The following SIPA1L3 variants were observed in gnomAD, a reference collection of about 807,000 sequenced individuals.
The protein encoded by SIPA1L3 is signal-induced proliferation-associated 1-like protein 3.
A neutral mutation model predicts 150.1 loss-of-function variants in SIPA1L3; 59 were observed. The observed-to-expected ratio is 0.39, with a 90% CI of 0.32 to 0.49. The LOEUF is 0.49. Ranked by LOEUF, SIPA1L3 falls within the 20% of genes least tolerant of loss-of-function variation. The probability of loss-of-function intolerance (pLI) is 0.86; values close to 1 mark genes in which losing one functional copy is unlikely to be tolerated. For missense variants in SIPA1L3, 2,211 were observed against 2,489.5 expected (o/e 0.89, Z 2.38); for synonymous variants, 1,070 against 1,077.6 (o/e 0.99, Z 0.14).
rs368807942 is a variant in SIPA1L3, at chr19:38,148,110, T to G, written c.3534-4730T>G. ...GCTCAAGCCTGTAATCCCAGCACTT[T>G]GGGAGGCTGAGGCGGGTGGATCATG... is the stretch of plus-strand genomic sequence containing the variant. On this transcript the variant is annotated intron_variant, in intron 12 of 21. Transcript: ENST00000222345. Among the ~76,000 whole-genome samples the G allele has an allele frequency of 1.9e-3, 282 of 151,700 alleles. 3 individuals are homozygous for G. Among genetic ancestry groups the G allele is most frequent in the African/African-American group, 6.6e-3 (272 of 41,346 alleles).
intron 12 of SIPA1L3, 118 bp from the exon 13 acceptor site, chr19:38,152,722 C>G: frequency 9.1e-7 from 1 of 1,102,700 alleles, no homozygotes; most frequent in East Asian, 2.6e-5. Flanking sequence ...CTCTCATCCA[C>G]AGCGGAGCCT....
At chr19:38,010,249 A>G (rs1478781209) in intron 1 of SIPA1L3, among the ~76,000 whole-genome samples, 3 of 151,966 alleles carry the variant, frequency 2.0e-5, no homozygotes, top group Non-Finnish European at 4.4e-5. Context: ...GAACATAAAA[A>G]TTTTTTAAAT....
intron 2 of SIPA1L3, among the ~76,000 whole-genome samples, chr19:38,064,860 A>G (rs1969536299): frequency 6.6e-6 from 1 of 152,214 alleles, no homozygotes; most frequent in African/African-American, 2.4e-5. Context: ...TAGAGAGACT[A>G]GGTTGCCTGC....
At chr19:38,005,294 T>C (rs1259224453) in intron 1 of SIPA1L3, among the ~76,000 whole-genome samples, 3 of 152,128 alleles carry the variant, frequency 2.0e-5, no homozygotes, top group Admixed American at 2.0e-4. Context: ...GAAGGCCAGC[T>C]CTTCAGTGTG....
At chr19:37,910,074 G>A (rs2046365765) in intron 1 of SIPA1L3, among the ~76,000 whole-genome samples, 1 of 151,852 alleles carries the variant, frequency 6.6e-6, no homozygotes, top group South Asian at 2.1e-4. Flanking sequence ...CATTGCAGTT[G>A]TTAGGTGGTA....
chr19:37,978,811 C>CA (rs1967133318), intron 1 of SIPA1L3, among the ~76,000 whole-genome samples: 2 of 151,672 alleles, frequency 1.3e-5, no homozygotes, highest in African/African-American at 4.8e-5. Flanking sequence ...CCTGTCTCTA[C>CA]AAAAAATTTA....
chr19:38,190,630 T>C (rs1972787462), intron 16 of SIPA1L3, among the ~76,000 whole-genome samples: 1 of 152,224 alleles, frequency 6.6e-6, no homozygotes, highest in South Asian at 2.1e-4. Flanking sequence ...AAAGCCTCTT[T>C]TTCTTTCTTG....
chr19:38,061,900 T>C (rs1181011110), intron 2 of SIPA1L3, among the ~76,000 whole-genome samples: 1 of 151,162 alleles, frequency 6.6e-6, no homozygotes, highest in Non-Finnish European at 1.5e-5. Context: ...TTTCATGGAT[T>C]CAGAAAATAC....
Position 38,206,117 on chromosome 19 carries a change from G to A in SIPA1L3, c.5223G>A (p.Val1741=). ...DLQKEKQDKV[V]LQSEVASLRQ... is the part of the protein sequence containing the mutation. The stretch of plus-strand genomic sequence containing the variant: ...TGCAGGAGAAGCAGGACAAGGTGGT[G>A]CTCCAGTCAGAGGTGGCCAGCCTGC... The change falls in exon 22 of 22, where the codon GTG becomes GTA. Residue 1741 remains valine, a synonymous_variant. Coordinates refer to ENST00000222345, the MANE Select transcript of SIPA1L3 (RefSeq NM_015073.3). The A allele has an allele frequency of 6.5e-7, 1 of 1,549,934 alleles. No individual in the cohort carries two copies. Among genetic ancestry groups the A allele is most frequent in the South Asian group, 1.2e-5 (1 of 83,864 alleles).
chr19:37,939,358 A>T (rs2046630746), intron 1 of SIPA1L3, among the ~76,000 whole-genome samples: 1 of 141,930 alleles, frequency 7.0e-6, no homozygotes, highest in South Asian at 2.2e-4. Flanking sequence ...CCGAGATTGC[A>T]CCATGCACTC....
At chr19:38,130,258 TG>T (rs1208349819) in intron 9 of SIPA1L3, among the ~76,000 whole-genome samples, 4 of 152,176 alleles carry the variant, frequency 2.6e-5, no homozygotes, top group Non-Finnish European at 4.4e-5. Context: ...ATGACTGCCA[TG>T]GTCTCTGCAA....
At chr19:38,156,040 C>T (rs1017554548) in intron 13 of SIPA1L3, among the ~76,000 whole-genome samples, 15 of 151,710 alleles carry the variant, frequency 9.9e-5, no homozygotes, top group Non-Finnish European at 1.5e-4. Flanking sequence ...GAGATCGCGC[C>T]GTTCCACTCC....
chr19:38,195,497 C>G (rs1972901815), intron 18 of SIPA1L3, among the ~76,000 whole-genome samples: 1 of 152,138 alleles, frequency 6.6e-6, no homozygotes, highest in Admixed American at 6.5e-5. Flanking sequence ...GTGGAAATTT[C>G]CCTGCTCCCC....
intron 2 of SIPA1L3, among the ~76,000 whole-genome samples, chr19:38,080,956 C>T (rs1413043050): frequency 7.0e-6 from 1 of 142,016 alleles, no homozygotes; most frequent in Non-Finnish European, 1.5e-5. Context: ...GGTGACAGAG[C>T]GAGACTCTGT....
intron 2 of SIPA1L3, among the ~76,000 whole-genome samples, chr19:38,033,881 T>A (rs1255032360): frequency 2.0e-5 from 3 of 152,140 alleles, no homozygotes; most frequent in African/African-American, 7.2e-5. Context: ...GGTGTGCGCC[T>A]TGAGCCATTT....
intron 1 of SIPA1L3, among the ~76,000 whole-genome samples, chr19:38,010,208 C>G (rs1968063288): frequency 1.3e-5 from 2 of 152,038 alleles, no homozygotes; most frequent in Admixed American, 1.3e-4. Context: ...TGAGACCAGC[C>G]TGGGCAATAT....
In SIPA1L3 at chr19:38,082,931, G is replaced by A. The variant is rs773166535; in HGVS notation, c.1366G>A (p.Glu456Lys). Residue 456 changes from glutamate to lysine, a missense_variant, in exon 3 of 22, where the codon GAG becomes AAG. By Grantham distance (56) the Glu-to-Lys change is moderately conservative. Transcript: ENST00000222345. ...RASVGSPSSG[E>K]GHLAEPALSA... ...TTCCGTGGGCTCCCCGAGCAGCGGC[G>A]AGGGCCACCTGGCAGAGCCCGCCCT... 2.2e-5 allele frequency: 35 copies of A among 1,612,994 alleles called. No homozygotes were observed. The highest frequency in any genetic ancestry group is 1.8e-4 in the Admixed American group (11 of 59,990).
At chr19:38,031,299 A>C (rs766479664) in intron 2 of SIPA1L3, among the ~76,000 whole-genome samples, 3 of 152,358 alleles carry the variant, frequency 2.0e-5, no homozygotes, top group East Asian at 3.9e-4. Flanking sequence ...AATGACAGAC[A>C]TTAATCACAT....
chr19:37,956,050 C>T (rs1313919586), intron 1 of SIPA1L3, among the ~76,000 whole-genome samples: 1 of 152,178 alleles, frequency 6.6e-6, no homozygotes, highest in African/African-American at 2.4e-5. Flanking sequence ...TATTCACAGG[C>T]GTGATCATGG....
Sources: gnomAD v4.1 joint callset for allele counts (sites outside exome capture counted in the v4.1 genomes callset) on GRCh38, gnomAD v4.1.1 for gene constraint, MANE v1.5 for transcripts, NCBI Gene and HGNC (gene_info 2026-07-23, HGNC 2026-07-21) for gene names.